LRP1B: variants seen among roughly 807,000 people sequenced by gnomAD.
LRP1B encodes low-density lipoprotein receptor-related protein 1B.
A neutral mutation model predicts 556.6 loss-of-function variants in LRP1B; 217 were observed. The observed-to-expected ratio is 0.39, with a 90% CI of 0.35 to 0.44. LRP1B has a LOEUF of 0.44. Ranked by LOEUF, LRP1B falls within the 20% of genes least tolerant of loss-of-function variation. The probability of loss-of-function intolerance (pLI) is 1.00; values close to 1 mark genes in which losing one functional copy is unlikely to be tolerated. For synonymous variants in LRP1B, 2,047 were observed against 1,865.8 expected (o/e 1.10, Z -2.50); for missense variants, 5,053 against 5,620.8 (o/e 0.90, Z 3.23).
chr2:140,702,585 T>C (rs369105018), intron 37 of LRP1B, 32 bp from the exon 38 acceptor site: 236 of 1,606,758 alleles, frequency 1.5e-4, no homozygotes. Flanking sequence ...GTAGTGTTTA[T>C]GTACATTTAT....
chr2:140,804,212 T>C (rs1041872569), intron 32 of LRP1B, among the ~76,000 whole-genome samples: 2 of 152,068 alleles, frequency 1.3e-5, no homozygotes, highest in African/African-American at 2.4e-5. Context: ...AGACAGCATA[T>C]AGACTCCTTT....
chr2:140,980,576 C>T (rs1290304457), intron 18 of LRP1B, among the ~76,000 whole-genome samples: 6 of 152,180 alleles, frequency 3.9e-5, no homozygotes, highest in Non-Finnish European at 1.5e-5. Flanking sequence ...GTTATATACT[C>T]AGATGTTTAC....
At chr2:142,119,954 T>G (rs1357849187) in intron 1 of LRP1B, among the ~76,000 whole-genome samples, 1 of 152,172 alleles carries the variant, frequency 6.6e-6, no homozygotes, top group Non-Finnish European at 1.5e-5. Flanking sequence ...CATGTTAGCA[T>G]GTCAGGCACT....
intron 2 of LRP1B, among the ~76,000 whole-genome samples, chr2:141,746,235 T>C (rs1189568718): frequency 6.6e-6 from 1 of 152,120 alleles, no homozygotes; most frequent in Non-Finnish European, 1.5e-5. Context: ...TTGTAGTCTT[T>C]ATGGCCTAGA....
chr2:141,624,036 C>CAAAAA, intron 2 of LRP1B, among the ~76,000 whole-genome samples: 7 of 90,748 alleles, frequency 7.7e-5, no homozygotes, highest in East Asian at 3.7e-4. Flanking sequence ...AAAAATTAAA[C>CAAAAA]AAAAAAAAAA....
At chr2:142,058,431 A>G (rs1424898916) in intron 1 of LRP1B, among the ~76,000 whole-genome samples, 3 of 152,108 alleles carry the variant, frequency 2.0e-5, no homozygotes, top group East Asian at 3.9e-4. Flanking sequence ...CTCTGTTGAG[A>G]AATACTTTAG....
chr2:141,110,886 T>C (rs949161211), intron 7 of LRP1B, among the ~76,000 whole-genome samples: 1 of 152,178 alleles, frequency 6.6e-6, no homozygotes. Context: ...ACAATCATTA[T>C]ACCAACTCTA....
chr2:140,464,468 C>T (rs1054181413), intron 60 of LRP1B, among the ~76,000 whole-genome samples: 22 of 152,112 alleles, frequency 1.4e-4, no homozygotes, highest in Admixed American at 1.2e-3. Flanking sequence ...TCAATATTCA[C>T]CATCCAAAGA....
intron 75 of LRP1B, among the ~76,000 whole-genome samples, chr2:140,355,636 G>C (rs775602040): frequency 2.9e-4 from 44 of 151,830 alleles, no homozygotes; most frequent in Non-Finnish European, 6.0e-4. Context: ...ATTTAGCCTG[G>C]ATAAGCCAGA....
chr2:141,750,081 T>C (rs747983330), intron 2 of LRP1B, among the ~76,000 whole-genome samples: 22 of 152,170 alleles, frequency 1.4e-4, no homozygotes, highest in Admixed American at 6.5e-4. Context: ...TTATGGTTTT[T>C]ACTGATTCTG....
intron 3 of LRP1B, among the ~76,000 whole-genome samples, chr2:141,423,314 TTTAA>T (rs1184754236): frequency 1.2e-4 from 10 of 80,634 alleles, no homozygotes; most frequent in African/African-American, 2.0e-4. Context: ...TTTTTTTTTT[TTTAA>T]GGGCAAATAT....
At chr2:141,215,688 T>C (rs928645291) in intron 6 of LRP1B, among the ~76,000 whole-genome samples, 15 of 152,220 alleles carry the variant, frequency 9.9e-5, no homozygotes, top group African/African-American at 3.6e-4. Context: ...CTGCATTCTC[T>C]TCAGGCTCTA....
At chr2:140,774,907 C>G (rs1347382350) in intron 33 of LRP1B, among the ~76,000 whole-genome samples, 1 of 152,192 alleles carries the variant, frequency 6.6e-6, no homozygotes, top group Non-Finnish European at 1.5e-5. Context: ...TATATACATT[C>G]TCAGGTTATA....
intron 35 of LRP1B, among the ~76,000 whole-genome samples, chr2:140,742,449 A>G (rs1003109337): frequency 4.6e-5 from 7 of 152,228 alleles, no homozygotes; most frequent in African/African-American, 1.7e-4. Flanking sequence ...AATAGTAGTG[A>G]GATATAATTA....
chr2:140,862,163 A>C (rs925817176), intron 27 of LRP1B, among the ~76,000 whole-genome samples: 16 of 152,160 alleles, frequency 1.1e-4, no homozygotes, highest in African/African-American at 3.9e-4. Flanking sequence ...CAAATTCAGC[A>C]CATTTCAAAG....
At chr2:141,181,520 T>G (rs1026165479) in intron 7 of LRP1B, among the ~76,000 whole-genome samples, 26 of 151,818 alleles carry the variant, frequency 1.7e-4, no homozygotes, top group Non-Finnish European at 3.7e-4. Context: ...GAGGGAGGTT[T>G]AACAGACTTT....
chr2:141,667,219 C>A (rs2105405847), intron 2 of LRP1B, among the ~76,000 whole-genome samples: 1 of 152,214 alleles, frequency 6.6e-6, no homozygotes, highest in South Asian at 2.1e-4. Flanking sequence ...GAATCTGGAA[C>A]AAGTAATAAT....
chr2:140,694,124 C>T (rs1329024971), intron 41 of LRP1B, among the ~76,000 whole-genome samples: 2 of 152,130 alleles, frequency 1.3e-5, no homozygotes, highest in Admixed American at 6.5e-5. Context: ...CATCAGAATG[C>T]ATCCCACTAA....
At chr2:140,895,596 A>C (rs1441753943) in intron 23 of LRP1B, among the ~76,000 whole-genome samples, 6 of 152,252 alleles carry the variant, frequency 3.9e-5, no homozygotes, top group Admixed American at 3.3e-4. Context: ...TGGGTGGCTT[A>C]AGTGTTTAAC....
Sources: allele counts gnomAD v4.1 joint callset (sites outside exome capture counted in the v4.1 genomes callset), GRCh38; gene constraint gnomAD v4.1.1; transcripts MANE v1.5; gene names NCBI Gene and HGNC (gene_info 2026-07-23, HGNC 2026-07-21).